The following USO1 variants were observed in gnomAD, a reference collection of about 807,000 sequenced individuals.
The protein encoded by USO1 is USO1 vesicle transport factor.
In USO1, 57 loss-of-function variants were observed where a neutral mutation model predicts 124.5. The ratio of observed to expected loss-of-function variants is 0.46; its 90% CI spans 0.37 to 0.57. USO1 has a LOEUF of 0.57. Among genes scored for constraint, USO1 ranks in the 20% least tolerant of loss-of-function variants. The pLI is 0.00. For synonymous variants in USO1, 369 were observed against 362.8 expected (o/e 1.02, Z -0.19); for missense variants, 900 against 1,040.6 (o/e 0.86, Z 1.86).
At position 75,749,236 on chromosome 4, in the gene USO1, A is replaced by G. The variant is rs570041685; in HGVS notation, c.67-3137A>G. ...CCCACTTGTTCTGTGATCGTAGGGAATCTATTAATATCTTCTGGGACACTA... is the reference window on the plus strand; with the variant it reads ...CCCACTTGTTCTGTGATCGTAGGGAGTCTATTAATATCTTCTGGGACACTA... On this transcript the variant is annotated intron_variant, in intron 1 of 23. Coordinates refer to ENST00000514213, the MANE Select transcript of USO1 (RefSeq NM_003715.4). Among the ~76,000 whole-genome samples the G allele has an allele frequency of 2.0e-5, 3 of 152,262 alleles. No individual in the cohort carries two copies. In the South Asian group the frequency reaches 6.2e-4, roughly 32 times the overall value.
chr4:75,741,255 T>A (rs940176450), intron 1 of USO1, among the ~76,000 whole-genome samples: 1 of 152,180 alleles, frequency 6.6e-6, no homozygotes, highest in Admixed American at 6.5e-5. Context: ...TAGTAAATAG[T>A]ATGCCTATAT....
intron 13 of USO1, among the ~76,000 whole-genome samples, chr4:75,796,953 T>C (rs12233780): frequency 0.14 from 20,362 of 150,342 alleles, 2,440 homozygotes; most frequent in African/African-American, 0.32. Flanking sequence ...TTCTCAGACT[T>C]ATCTTTTATG....
intron 4 of USO1, among the ~76,000 whole-genome samples, chr4:75,758,151 CTTAT>C (rs1228182007): frequency 1.3e-5 from 2 of 151,872 alleles, no homozygotes; most frequent in African/African-American, 4.8e-5. Context: ...AGTTATCTGT[CTTAT>C]TTATTGTCAC....
intron 18 of USO1, 107 bp from the exon 19 acceptor site, chr4:75,805,033 C>T (rs996897872): frequency 7.3e-7 from 1 of 1,370,348 alleles, no homozygotes; most frequent in Admixed American, 3.1e-5. Flanking sequence ...TGCAAAAGTG[C>T]TGCCAAAGTA....
At chr4:75,806,821 T>C (rs1229087749) in intron 20 of USO1, among the ~76,000 whole-genome samples, 1 of 152,188 alleles carries the variant, frequency 6.6e-6, no homozygotes, top group African/African-American at 2.4e-5. Context: ...TATTTATAGA[T>C]TATCAGTGAA....
intron 8 of USO1, 90 bp downstream of exon 8, chr4:75,774,886 GACTCTTATTTAT>G: frequency 1.4e-6 from 2 of 1,457,972 alleles, no homozygotes; most frequent in South Asian, 1.6e-5. Context: ...GAGAAATGGG[GACTCTTATTTAT>G]ACTCTTTGTT....
At chr4:75,732,092 G>A (rs993014451) in intron 1 of USO1, among the ~76,000 whole-genome samples, 1 of 152,146 alleles carries the variant, frequency 6.6e-6, no homozygotes, top group African/African-American at 2.4e-5. Flanking sequence ...AAGGTTTGAT[G>A]TATAACCATC....
At chr4:75,811,918 A>T (rs1723161449) in intron 22 of USO1, among the ~76,000 whole-genome samples, 1 of 152,106 alleles carries the variant, frequency 6.6e-6, no homozygotes, top group Non-Finnish European at 1.5e-5. Context: ...TTTTTCAGGG[A>T]TAGCTAACTA....
intron 20 of USO1, among the ~76,000 whole-genome samples, chr4:75,807,414 CACTAA>C (rs918264874): frequency 2.6e-5 from 4 of 151,632 alleles, no homozygotes; most frequent in African/African-American, 9.7e-5. Flanking sequence ...TGACCATCCT[CACTAA>C]CCTAGGACTA....
chr4:75,795,199 C>A, intron 13 of USO1: 1 of 616,318 alleles, frequency 1.6e-6, no homozygotes, highest in Non-Finnish European at 2.9e-6. Flanking sequence ...AAAGAAGTAT[C>A]ATTAGAACCA....
chr4:75,731,720 T>G (rs1720638013), intron 1 of USO1, among the ~76,000 whole-genome samples: 1 of 152,210 alleles, frequency 6.6e-6, no homozygotes, highest in South Asian at 2.1e-4. Flanking sequence ...AAGGTAAGAT[T>G]ATATCATAAA....
chr4:75,813,359 G>T lies in USO1; in HGVS notation c.*64G>T. On this transcript the variant is annotated 3_prime_UTR_variant, in exon 24 of 24. Transcript: ENST00000514213. ...CTCTGAAGATGGACTCTAAACTTTG[G>T]TTTACCTCCATGGAAAATAAAGATT... is the stretch of plus-strand genomic sequence containing the variant. 1 of 1,429,210 alleles carries T rather than the reference G, an allele frequency of 7.0e-7. No individual in the cohort carries two copies. The highest frequency in any genetic ancestry group is 9.2e-7 in the Non-Finnish European group (1 of 1,085,756). 88.5% of individuals were successfully genotyped at this position (1,429,210 alleles called of 1,614,324 possible). A position where few individuals can be genotyped will look rare whatever the true frequency, so the allele number is the denominator to read the frequency against.
chr4:75,735,288 G>C (rs1006956725), intron 1 of USO1, among the ~76,000 whole-genome samples: 2 of 152,038 alleles, frequency 1.3e-5, no homozygotes, highest in African/African-American at 4.8e-5. Context: ...CATTGATTTT[G>C]TATCCTGAAA....
rs751960694 is a variant in USO1, at chr4:75,724,847, G to C, written c.28G>C (p.Gly10Arg). Residue 10 changes from glycine to arginine, a missense_variant, in exon 1 of 24, where the codon GGT becomes CGT. Gly to Arg is a moderately radical substitution (Grantham distance 125, BLOSUM62 -2). This residue lies in a region of USO1 where 538 missense variants were observed against 681.6 expected (regional missense o/e 0.79). Transcript: ENST00000514213. MNFLRGVMG[G>R]QSAGPQHTEA... Reference sequence around the variant, plus strand: ...GAATTTCCTCCGCGGGGTAATGGGGGGTCAGAGTGCCGGACCCCAGCACAC... The same window carrying C: ...GAATTTCCTCCGCGGGGTAATGGGGCGTCAGAGTGCCGGACCCCAGCACAC... 3.7e-6 allele frequency: 6 copies of C among 1,613,708 alleles called. No homozygotes were observed. The highest frequency in any genetic ancestry group is 1.6e-4 in the Middle Eastern group (1 of 6,062).
intron 1 of USO1, among the ~76,000 whole-genome samples, 187 bp from the exon 2 acceptor site, chr4:75,752,186 T>G (rs1346325066): frequency 6.6e-6 from 1 of 152,172 alleles, no homozygotes; most frequent in Non-Finnish European, 1.5e-5. Flanking sequence ...TTTAAGTCTC[T>G]GCAAAACTAT....
rs186074126 is a variant in USO1 at position 75,731,709 on chromosome 4, C to G, written c.66+6824C>G. ...GAAGGTACAACTATGTTTTAAATTTCAAGGTAAGATTATATCATAAAATTA... is the reference window on the plus strand; with the variant it reads ...GAAGGTACAACTATGTTTTAAATTTGAAGGTAAGATTATATCATAAAATTA... On this transcript the variant is annotated intron_variant, in intron 1 of 23. Coordinates refer to ENST00000514213, the MANE Select transcript of USO1 (RefSeq NM_003715.4). Among the ~76,000 whole-genome samples, 200 of 152,190 alleles carry G rather than the reference C, an allele frequency of 1.3e-3. 1 individual carries two copies. The highest frequency in any genetic ancestry group is 4.7e-3 in the African/African-American group (195 of 41,512).
chr4:75,749,245 T>TA (rs1281364362), intron 1 of USO1, among the ~76,000 whole-genome samples: 4 of 152,198 alleles, frequency 2.6e-5, no homozygotes, highest in African/African-American at 4.8e-5. Flanking sequence ...AATCTATTAA[T>TA]ATCTTCTGGG....
intron 12 of USO1, among the ~76,000 whole-genome samples, chr4:75,791,291 A>G (rs1316200713): frequency 6.6e-6 from 1 of 152,244 alleles, no homozygotes; most frequent in East Asian, 1.9e-4. Context: ...TGGGAGGCCA[A>G]GGCGGGCAGA....
chr4:75,778,986 T>C (rs1722146498), intron 8 of USO1, among the ~76,000 whole-genome samples: 1 of 152,222 alleles, frequency 6.6e-6, no homozygotes, highest in African/African-American at 2.4e-5. Flanking sequence ...CAGCACGCCC[T>C]CACTTCATGT....
Sources: gnomAD v4.1 joint callset for allele counts (sites outside exome capture counted in the v4.1 genomes callset) on GRCh38, gnomAD v4.1.1 for gene constraint, gnomAD v4.1.1 regional missense constraint, MANE v1.5 for transcripts, NCBI Gene and HGNC (gene_info 2026-07-23, HGNC 2026-07-21) for gene names.